PDE4B: variants seen among roughly 807,000 people sequenced by gnomAD.
PDE4B encodes the protein 3',5'-cyclic-AMP phosphodiesterase 4B.
A neutral mutation model predicts 82.2 loss-of-function variants in PDE4B; 20 were observed. The ratio of observed to expected loss-of-function variants is 0.24; its 90% confidence interval spans 0.17 to 0.35. The LOEUF is 0.35. Among genes scored for constraint, PDE4B ranks in the 10% least tolerant of loss-of-function variants. The pLI is 1.00. For missense variants in PDE4B, 655 were observed against 907.2 expected, an observed-to-expected ratio of 0.72 and a Z score of 3.57; for synonymous variants, 320 against 318.9, an observed-to-expected ratio of 1.00 and a Z score of -0.04.
intron 1 of PDE4B, among the ~76,000 whole-genome samples, chr1:65,831,351 A>T (rs1450587219): frequency 6.6e-6 from 1 of 152,154 alleles, no homozygotes; most frequent in Non-Finnish European, 1.5e-5. Flanking sequence ...GAAAGAGGGG[A>T]CATGACTAGT....
At chr1:65,994,832 T>C (rs560298470) in intron 3 of PDE4B, among the ~76,000 whole-genome samples, 2 of 152,092 alleles carry the variant, frequency 1.3e-5, no homozygotes, top group South Asian at 2.1e-4. Context: ...CTGAACACAA[T>C]AGTGTGACCT....
intron 16 of PDE4B, among the ~76,000 whole-genome samples, chr1:66,371,134 A>ATATATATATATATAT (rs34396658): frequency 1.7e-5 from 2 of 120,858 alleles, no homozygotes; most frequent in Non-Finnish European, 3.4e-5. Flanking sequence ...ATATATATAT[A>ATATATATATATATAT]ATTTTATTTA....
chr1:66,204,543 A>T (rs1460811455), intron 3 of PDE4B, among the ~76,000 whole-genome samples: 1 of 152,226 alleles, frequency 6.6e-6, no homozygotes, highest in Non-Finnish European at 1.5e-5. Context: ...AAGCCTGGGC[A>T]ATGGCAGGTG....
intron 3 of PDE4B, among the ~76,000 whole-genome samples, chr1:66,052,555 G>GT (rs11375339): frequency 0.59 from 82,624 of 139,312 alleles, 24,023 homozygotes; most frequent in East Asian, 0.77. Flanking sequence ...CAGGGACCGA[G>GT]TTTTTTTTTT....
rs536662123 is a variant in PDE4B, at chr1:66,185,087, G to T, written c.282-62373G>T. 3.9e-5 allele frequency among the ~76,000 whole-genome samples: 6 copies of T among 152,188 alleles called. No individual in the cohort carries two copies. The East Asian group carries it at 1.2e-3, about 29-fold the overall frequency. On this transcript the variant is annotated intron_variant, in intron 3 of 16. Coordinates refer to ENST00000341517, the MANE Select transcript of PDE4B (RefSeq NM_002600.4). ...TCCCACCTATAAGTGAGAACATGCG[G>T]TGTTTGGTTTTTTTGTCCTTGCGAT...
At chr1:66,294,778 C>T (rs191581125) in intron 7 of PDE4B, among the ~76,000 whole-genome samples, 35 of 151,860 alleles carry the variant, frequency 2.3e-4, no homozygotes, top group Admixed American at 6.6e-4. Flanking sequence ...GGTTAAGAGA[C>T]TGACTACATT....
At chr1:65,926,843 CAAAG>C (rs1267559445) in intron 3 of PDE4B, among the ~76,000 whole-genome samples, 2 of 151,430 alleles carry the variant, frequency 1.3e-5, no homozygotes, top group African/African-American at 4.9e-5. Flanking sequence ...AAACCAAAGA[CAAAG>C]AAAAATCTCT....
At chr1:65,844,335 T>C (rs1434630539) in intron 1 of PDE4B, among the ~76,000 whole-genome samples, 1 of 152,210 alleles carries the variant, frequency 6.6e-6, no homozygotes, top group African/African-American at 2.4e-5. Context: ...CAAACACAAA[T>C]ACATTTTTGA....
At chr1:65,862,183 G>A (rs1646461736) in intron 1 of PDE4B, among the ~76,000 whole-genome samples, 1 of 152,072 alleles carries the variant, frequency 6.6e-6, no homozygotes, top group African/African-American at 2.4e-5. Context: ...TTGGCTATGG[G>A]TTTGTCATAA....
At chr1:66,196,877 G>T (rs1299628811) in intron 3 of PDE4B, among the ~76,000 whole-genome samples, 4 of 151,422 alleles carry the variant, frequency 2.6e-5, no homozygotes, top group Non-Finnish European at 2.9e-5. Flanking sequence ...AGTTAGTGGG[G>T]GTAGCGCACC....
chr1:66,289,722 ATT>A (rs1263282075), intron 7 of PDE4B, among the ~76,000 whole-genome samples: 17 of 139,180 alleles, frequency 1.2e-4, no homozygotes, highest in Non-Finnish European at 1.6e-4. Context: ...ATATATATAT[ATT>A]TTTAAAAATG....
intron 3 of PDE4B, among the ~76,000 whole-genome samples, chr1:66,208,556 C>A (rs755862650): frequency 1.3e-5 from 2 of 152,158 alleles, no homozygotes; most frequent in Non-Finnish European, 2.9e-5. Flanking sequence ...ATTCCCATTT[C>A]TTTCTTAGTT....
intron 3 of PDE4B, among the ~76,000 whole-genome samples, chr1:66,222,642 G>A (rs890374003): frequency 3.3e-5 from 5 of 152,176 alleles, no homozygotes; most frequent in Non-Finnish European, 5.9e-5. Flanking sequence ...ATCATCTTGA[G>A]CAAATTATTC....
intron 8 of PDE4B, among the ~76,000 whole-genome samples, chr1:66,347,447 G>A (rs963348621): frequency 2.6e-5 from 4 of 152,096 alleles, no homozygotes. Flanking sequence ...TCAATTTGCC[G>A]GTGCATACTC....
intron 3 of PDE4B, among the ~76,000 whole-genome samples, chr1:66,186,226 T>C (rs1440944293): frequency 6.6e-6 from 1 of 152,214 alleles, no homozygotes; most frequent in Non-Finnish European, 1.5e-5. Context: ...CATGCTGTTT[T>C]GGTTACTGTA....
rs368840780 is a variant in PDE4B at position 66,060,424 on chromosome 1, T to C, written c.281+141589T>C. 1.6e-4 allele frequency among the ~76,000 whole-genome samples: 24 copies of C among 152,352 alleles called. 1 individual carries two copies. In the East Asian group the frequency reaches 3.7e-3, roughly 23 times the overall value. On this transcript the variant is annotated intron_variant, in intron 3 of 16. Coordinates refer to ENST00000341517, the MANE Select transcript of PDE4B (RefSeq NM_002600.4). Reference sequence around the variant, plus strand: ...TCAGAAAAATGTAGCACTCTTTATGTGCTTTCCAATGTGGTAGTCATTAGC... The same window carrying C: ...TCAGAAAAATGTAGCACTCTTTATGCGCTTTCCAATGTGGTAGTCATTAGC...
intron 1 of PDE4B, among the ~76,000 whole-genome samples, chr1:65,823,072 T>C (rs568304920): frequency 3.3e-5 from 5 of 152,228 alleles, no homozygotes; most frequent in Admixed American, 3.3e-4. Flanking sequence ...AAATTCTTAT[T>C]CTTCTCTCCT....
At chr1:66,064,778 C>T (rs187471651) in intron 3 of PDE4B, among the ~76,000 whole-genome samples, 116 of 151,984 alleles carry the variant, frequency 7.6e-4, no homozygotes, top group African/African-American at 2.5e-3. Flanking sequence ...ACTTGAGTGC[C>T]AACTCTTAAC....
chr1:66,081,832 CTGTGTGTGTGTG>C (rs1242686089), intron 3 of PDE4B, among the ~76,000 whole-genome samples: 3 of 125,120 alleles, frequency 2.4e-5, no homozygotes, highest in Admixed American at 7.8e-5. Context: ...CTCTCTCTCT[CTGTGTGTGTGTG>C]TGTGTGTGTG....
Sources: gnomAD v4.1 joint callset for allele counts (sites outside exome capture counted in the v4.1 genomes callset) on GRCh38, gnomAD v4.1.1 for gene constraint, MANE v1.5 for transcripts, NCBI Gene and HGNC (gene_info 2026-07-23, HGNC 2026-07-21) for gene names.